Variants in NEBL observed in about 807,000 individuals in gnomAD.
NEBL encodes nebulette, also known as LIM and SH3 protein 2.
In NEBL, 122 loss-of-function variants were observed where a neutral mutation model predicts 140.2. The ratio of observed to expected loss-of-function variants is 0.87; its 90% CI spans 0.75 to 1.01. NEBL has a LOEUF of 1.01. Among genes scored for constraint, NEBL ranks in the 50% least tolerant of loss-of-function variants. NEBL has a pLI of 0.00. For missense variants in NEBL, 1,365 were observed against 1,231.3 expected (o/e 1.11, Z -1.62); for synonymous variants, 436 against 398.9 (o/e 1.09, Z -1.11).
chr10:21,005,624 C>T (rs1838106426), intron 3 of NEBL, among the ~76,000 whole-genome samples: 1 of 152,106 alleles, frequency 6.6e-6, no homozygotes, highest in South Asian at 2.1e-4. Flanking sequence ...ATCCCCGCTA[C>T]TCGGGAGGCT....
intron 3 of NEBL, among the ~76,000 whole-genome samples, chr10:20,982,729 CAAAAAATTTCTCACTATCTTTTGTTTTT>C (rs1014202999): frequency 8.6e-5 from 13 of 151,938 alleles, no homozygotes; most frequent in Non-Finnish European, 1.9e-4. Flanking sequence ...CCTTCCCCCC[CAAAAAATTTCTCACTATCTTTTGTTTTT>C]TTCCAGTCAT....
intron 1 of NEBL, among the ~76,000 whole-genome samples, chr10:21,272,691 A>G (rs1842874283): frequency 6.6e-6 from 1 of 152,184 alleles, no homozygotes; most frequent in Non-Finnish European, 1.5e-5. Context: ...TGCTTTTTGC[A>G]TCTGTAAATT....
Position 21,173,974 on chromosome 10 carries a change from G to A in NEBL, c.-141C>T. The A allele has an allele frequency of 1.5e-6, 2 of 1,345,216 alleles. No homozygotes were observed. Among genetic ancestry groups the A allele is most frequent in the Non-Finnish European group, 9.5e-7 (1 of 1,057,272 alleles). 83.3% of individuals were successfully genotyped at this position (1,345,216 alleles called of 1,614,324 possible). A position where few individuals can be genotyped will look rare whatever the true frequency, so the allele number is the denominator to read the frequency against. On this transcript the variant is annotated 5_prime_UTR_variant, in exon 1 of 7. Transcript: ENST00000417816. This position sits in a 1 kb window ranked among gnomAD's most constrained non-coding sequence, Gnocchi z 5.7. Reference sequence around the variant, plus strand: ...GGCGCCGGGTAGGGAGTCGGCGCCGGGCCACGGGTGAGTGCACGGGGAGGG... The same window carrying A: ...GGCGCCGGGTAGGGAGTCGGCGCCGAGCCACGGGTGAGTGCACGGGGAGGG...
chr10:21,288,820 GTATATATA>G (rs71392181), intron 1 of NEBL, among the ~76,000 whole-genome samples: 5 of 35,026 alleles, frequency 1.4e-4, no homozygotes, highest in East Asian at 2.5e-3. Context: ...GTGTGTGTGT[GTATATATA>G]TATATATATA....
rs145081507 is a variant in NEBL at position 21,067,683 on chromosome 10, A to G, written c.165-47482T>C. ...TTAATCTGAGAGAGAACACCTTCCT[A>G]TTAAAATGGAATACAGGCTAGGCAC... On this transcript the variant is annotated intron_variant, in intron 2 of 6. Transcript: ENST00000417816. Among the ~76,000 whole-genome samples, 332 of 152,304 alleles carry G rather than the reference A, an allele frequency of 2.2e-3. 1 individual carries two copies. Among genetic ancestry groups the G allele is most frequent in the African/African-American group, 7.4e-3 (309 of 41,566 alleles).
rs372804145 is a variant in NEBL, at chr10:20,928,494, C to T, written c.357+33178G>A. ...GAGATGTGCAGAAACAAATCTTAAGCGCTAAGAAAAAGGACTGGAGAGAAA... is the reference window on the plus strand; with the variant it reads ...GAGATGTGCAGAAACAAATCTTAAGTGCTAAGAAAAAGGACTGGAGAGAAA... On this transcript the variant is annotated intron_variant, in intron 4 of 6. Coordinates refer to the NEBL transcript ENST00000417816. Among the ~76,000 whole-genome samples the T allele has an allele frequency of 1.1e-4, 16 of 152,098 alleles. No individual in the cohort carries two copies. The South Asian group carries it at 3.1e-3, about 30-fold the overall frequency.
chr10:21,227,563 C>T (rs1353411368), intron 3 of NEBL, among the ~76,000 whole-genome samples: 2 of 152,212 alleles, frequency 1.3e-5, no homozygotes, highest in Non-Finnish European at 2.9e-5. Flanking sequence ...AGCCAGTTCC[C>T]CCAGGTCAGA....
intron 2 of NEBL, among the ~76,000 whole-genome samples, chr10:21,026,386 TAA>T (rs1364014888): frequency 1.3e-5 from 2 of 152,188 alleles, no homozygotes; most frequent in African/African-American, 2.4e-5. Context: ...CTGAGGTTAA[TAA>T]GTCTTGTTTA....
In NEBL at chr10:20,823,204, T is replaced by C. The variant is rs1207516528; in HGVS notation, c.1962+4A>G. The C allele has an allele frequency of 4.4e-6, 7 of 1,591,550 alleles. No homozygotes were observed. The African/African-American group carries it at 5.4e-5, about 12-fold the overall frequency. ...TTTAAAAAATACTTAAGAAATATGA[T>C]CACATTGCTGATGTTCTTCTGGTTT... On this transcript the variant is annotated splice_donor_region_variant and intron_variant, in intron 19 of 27. Transcript: ENST00000377122.
At chr10:21,015,764 C>T (rs1177714715) in intron 3 of NEBL, among the ~76,000 whole-genome samples, 1 of 152,214 alleles carries the variant, frequency 6.6e-6, no homozygotes, top group Non-Finnish European at 1.5e-5. Context: ...CCTGCCACCT[C>T]AGCCTCCCGA....
intron 1 of NEBL, among the ~76,000 whole-genome samples, chr10:21,271,643 A>G (rs185361106): frequency 1.7e-4 from 25 of 151,170 alleles, no homozygotes; most frequent in African/African-American, 5.8e-4. Context: ...CTCCTGCCTC[A>G]ACCTCCTGAG....
intron 4 of NEBL, among the ~76,000 whole-genome samples, chr10:20,958,791 G>A (rs1327137054): frequency 1.3e-5 from 2 of 152,090 alleles, no homozygotes; most frequent in African/African-American, 4.8e-5. Flanking sequence ...AATCTCCCAT[G>A]TTCAATATGT....
chr10:21,030,551 A>C, intron 2 of NEBL: 1 of 766,868 alleles, frequency 1.3e-6, no homozygotes, highest in Non-Finnish European at 2.3e-6. Flanking sequence ...GCTCCATCTC[A>C]GAGCTCAGAC....
chr10:21,013,549 G>A (rs1262461446), intron 3 of NEBL, among the ~76,000 whole-genome samples: 3 of 152,176 alleles, frequency 2.0e-5, no homozygotes, highest in Non-Finnish European at 4.4e-5. Flanking sequence ...AGCAGTGTTT[G>A]TGTTTAGAAG....
At chr10:20,962,523 C>T (rs1182032190) in intron 3 of NEBL, among the ~76,000 whole-genome samples, 15 of 152,168 alleles carry the variant, frequency 9.9e-5, no homozygotes, top group Admixed American at 9.8e-4. Flanking sequence ...CTAATTACAA[C>T]CCAATGGAGC....
intron 3 of NEBL, among the ~76,000 whole-genome samples, chr10:21,247,465 A>T (rs192049949): frequency 7.0e-4 from 107 of 152,240 alleles, no homozygotes; most frequent in African/African-American, 2.5e-3. Context: ...GAGCAAAGAA[A>T]ATTTAGATCA....
chr10:20,831,650 G>T, intron 14 of NEBL, 67 bp from the exon 15 acceptor site: 1 of 1,028,026 alleles, frequency 9.7e-7, no homozygotes, highest in East Asian at 2.4e-5. Flanking sequence ...AAATCGAGAT[G>T]TCATTTTGAC....
intron 2 of NEBL, among the ~76,000 whole-genome samples, chr10:21,055,936 G>A (rs1161589261): frequency 1.3e-5 from 2 of 152,198 alleles, no homozygotes; most frequent in African/African-American, 4.8e-5. Context: ...GGGCTGCCCT[G>A]AGGCTACACG....
chr10:20,789,888 T>C (rs914442783), intron 26 of NEBL, among the ~76,000 whole-genome samples: 3 of 122,514 alleles, frequency 2.4e-5, no homozygotes, highest in African/African-American at 7.0e-5. Flanking sequence ...CACACACACA[T>C]ATATATATGT....
Sources: allele counts gnomAD v4.1 joint callset (sites outside exome capture counted in the v4.1 genomes callset), GRCh38; gene constraint gnomAD v4.1.1; non-coding constraint Gnocchi (gnomAD v3.1); transcripts MANE v1.5; gene names NCBI Gene and HGNC (gene_info 2026-07-23, HGNC 2026-07-21).